The following SLC9A9 variants were observed in gnomAD, a reference collection of about 807,000 sequenced individuals.
SLC9A9 encodes sodium/hydrogen exchanger 9.
SLC9A9 carries 62 observed loss-of-function variants against 77.8 expected under a neutral mutation model. The ratio of observed to expected loss-of-function variants is 0.80; its 90% confidence interval spans 0.65 to 0.98. The LOEUF (loss-of-function observed/expected upper bound fraction) is 0.98, where lower values mean the gene tolerates loss of function less well. Ranked by LOEUF, SLC9A9 falls within the 50% of genes least tolerant of loss-of-function variation. SLC9A9 has a pLI of 0.00. For synonymous variants in SLC9A9, 320 were observed against 283.5 expected (o/e 1.13, Z -1.29); for missense variants, 775 against 774.9 (o/e 1.00, Z 0.00).
intron 14 of SLC9A9, among the ~76,000 whole-genome samples, chr3:143,347,372 A>G (rs561600787): frequency 9.2e-5 from 14 of 152,328 alleles, no homozygotes; most frequent in Admixed American, 3.9e-4. Flanking sequence ...GGATGATGAG[A>G]AAGATAAAAG....
intron 14 of SLC9A9, among the ~76,000 whole-genome samples, chr3:143,302,734 G>A (rs965508871): frequency 1.3e-5 from 2 of 152,206 alleles, no homozygotes; most frequent in Non-Finnish European, 2.9e-5. Flanking sequence ...GGAACAGACA[G>A]AATGACTGCG....
intron 14 of SLC9A9, among the ~76,000 whole-genome samples, chr3:143,328,074 C>T (rs1275531020): frequency 4.6e-5 from 7 of 152,168 alleles, no homozygotes; most frequent in Non-Finnish European, 1.5e-5. Context: ...CTCTATAAAT[C>T]AGAATCTGAG....
At chr3:143,322,480 T>C (rs1168319813) in intron 14 of SLC9A9, among the ~76,000 whole-genome samples, 2 of 152,136 alleles carry the variant, frequency 1.3e-5, no homozygotes, top group Non-Finnish European at 2.9e-5. Flanking sequence ...CAAGTGTGGA[T>C]CTTGGGACTT....
At chr3:143,701,902 C>A (rs576514537) in intron 4 of SLC9A9, among the ~76,000 whole-genome samples, 1 of 152,096 alleles carries the variant, frequency 6.6e-6, no homozygotes, top group African/African-American at 2.4e-5. Context: ...AAAGAAAGGA[C>A]CCTAAAAGCA....
chr3:143,844,180 TATG>T (rs1449888653), intron 1 of SLC9A9, among the ~76,000 whole-genome samples: 2 of 152,234 alleles, frequency 1.3e-5, no homozygotes, highest in African/African-American at 4.8e-5. Flanking sequence ...CAAGTGTTCA[TATG>T]ATATTTTAAG....
intron 14 of SLC9A9, among the ~76,000 whole-genome samples, chr3:143,307,250 TCTTA>T (rs1214500842): frequency 6.6e-6 from 1 of 152,224 alleles, no homozygotes; most frequent in Non-Finnish European, 1.5e-5. Context: ...ACAAAGCAGT[TCTTA>T]CTTTTTCTCC....
chr3:143,635,331 CT>C (rs2038501229), intron 6 of SLC9A9, among the ~76,000 whole-genome samples: 1 of 152,180 alleles, frequency 6.6e-6, no homozygotes, highest in African/African-American at 2.4e-5. Flanking sequence ...GACCTGGAAA[CT>C]GGGACAGCAT....
intron 9 of SLC9A9, among the ~76,000 whole-genome samples, chr3:143,534,293 AG>A (rs1201261813): frequency 6.6e-6 from 1 of 152,248 alleles, no homozygotes; most frequent in African/African-American, 2.4e-5. Flanking sequence ...TACCCAGCAA[AG>A]CTACAAATCA....
At chr3:143,423,266 CACACACACACA>C (rs1291986200) in intron 12 of SLC9A9, among the ~76,000 whole-genome samples, 3 of 151,508 alleles carry the variant, frequency 2.0e-5, no homozygotes, top group African/African-American at 7.3e-5. Context: ...CACACACACA[CACACACACACA>C]CACACACACA....
chr3:143,268,258 T>A (rs1031429512), intron 15 of SLC9A9, among the ~76,000 whole-genome samples: 2 of 152,154 alleles, frequency 1.3e-5, no homozygotes, highest in African/African-American at 4.8e-5. Flanking sequence ...GAGCCATAAA[T>A]CACAGGCCTA....
At chr3:143,491,420 G>A (rs201405586) in intron 11 of SLC9A9, among the ~76,000 whole-genome samples, 31 of 152,236 alleles carry the variant, frequency 2.0e-4, no homozygotes, top group East Asian at 3.9e-4. Flanking sequence ...AAAAACAGCC[G>A]TAGACAGTAA....
At chr3:143,835,587 A>C (rs1198661259) in intron 1 of SLC9A9, among the ~76,000 whole-genome samples, 1 of 152,266 alleles carries the variant, frequency 6.6e-6, no homozygotes, top group Non-Finnish European at 1.5e-5. Context: ...AATATCATAT[A>C]TGAGTAGGTG....
intron 14 of SLC9A9, among the ~76,000 whole-genome samples, chr3:143,350,416 A>T (rs1426711188): frequency 6.6e-6 from 1 of 152,138 alleles, no homozygotes; most frequent in African/African-American, 2.4e-5. Flanking sequence ...TACTGAGTCA[A>T]ATCCAGACAC....
intron 14 of SLC9A9, among the ~76,000 whole-genome samples, chr3:143,283,126 C>T (rs1938275405): frequency 6.6e-6 from 1 of 152,172 alleles, no homozygotes; most frequent in African/African-American, 2.4e-5. Flanking sequence ...TGAGTCTCCT[C>T]AATGTTTGTT....
At chr3:143,602,082 A>G (rs2037853724) in intron 6 of SLC9A9, among the ~76,000 whole-genome samples, 1 of 152,180 alleles carries the variant, frequency 6.6e-6, no homozygotes, top group South Asian at 2.1e-4. Context: ...TCCAAGTTTT[A>G]AAAACTAATT....
chr3:143,346,328 T>C (rs902154313), intron 14 of SLC9A9, among the ~76,000 whole-genome samples: 4 of 152,230 alleles, frequency 2.6e-5, no homozygotes, highest in Admixed American at 6.5e-5. Context: ...GGAAACCTCC[T>C]TAAATTTTCC....
intron 12 of SLC9A9, among the ~76,000 whole-genome samples, chr3:143,406,417 G>A (rs572607414): frequency 1.4e-4 from 21 of 150,240 alleles, no homozygotes; most frequent in South Asian, 6.3e-4. Context: ...CACTCTTGTC[G>A]CCCAAGGTGG....
intron 4 of SLC9A9, among the ~76,000 whole-genome samples, chr3:143,765,678 ACAGT>A (rs1280775129): frequency 1.3e-5 from 2 of 152,180 alleles, no homozygotes; most frequent in Non-Finnish European, 2.9e-5. Flanking sequence ...TGGGCCCTGT[ACAGT>A]CAAATTCAAT....
At chr3:143,525,076 A>T (rs971704341) in intron 9 of SLC9A9, among the ~76,000 whole-genome samples, 5 of 152,196 alleles carry the variant, frequency 3.3e-5, no homozygotes, top group African/African-American at 1.2e-4. Flanking sequence ...CAATGAACAA[A>T]ACATATTGAA....
Sources: gnomAD v4.1 joint callset for allele counts (sites outside exome capture counted in the v4.1 genomes callset) on GRCh38, gnomAD v4.1.1 for gene constraint, MANE v1.5 for transcripts, NCBI Gene and HGNC (gene_info 2026-07-23, HGNC 2026-07-21) for gene names.